Variants in TARS1 observed in about 807,000 individuals in gnomAD.
The protein encoded by TARS1 is threonyl-tRNA synthetase 1, also known as threonine--tRNA ligase 1, cytoplasmic.
TARS1 carries 57 observed loss-of-function variants against 97.7 expected under a neutral mutation model. The observed-to-expected ratio is 0.58, with a 90% CI of 0.47 to 0.73. The LOEUF is 0.73. TARS1 is among the 30% of genes least tolerant of loss of function. TARS1 has a pLI of 0.00. For missense variants in TARS1, 806 were observed against 888.3 expected (o/e 0.91, Z 1.18); for synonymous variants, 312 against 293.7 (o/e 1.06, Z -0.64).
At chr5:33,456,365 G>A in intron 8 of TARS1, 138 bp downstream of exon 8, 1 of 702,504 alleles carries the variant, frequency 1.4e-6, no homozygotes, top group Non-Finnish European at 2.3e-6. Context: ...TTAACTGGGA[G>A]CTGTATGCCA....
intron 17 of TARS1, 53 bp from the exon 18 acceptor site, chr5:33,466,818 A>G: frequency 7.5e-7 from 1 of 1,334,444 alleles, no homozygotes; most frequent in South Asian, 1.3e-5. Flanking sequence ...ATGTGAGATC[A>G]AAATATAATT....
chr5:33,464,118 C>T (rs1018604327), intron 17 of TARS1, among the ~76,000 whole-genome samples: 1 of 152,198 alleles, frequency 6.6e-6, no homozygotes, highest in Non-Finnish European at 1.5e-5. Context: ...GTAGTACAGT[C>T]ATGGCTCACT....
intron 1 of TARS1, 132 bp downstream of exon 1, chr5:33,441,275 G>A (rs1024368027): frequency 3.7e-6 from 4 of 1,074,756 alleles, no homozygotes; most frequent in African/African-American, 3.1e-5. Flanking sequence ...GTGGGGGATG[G>A]TGGGACTCCT....
intron 1 of TARS1, 72 bp downstream of exon 1, chr5:33,441,215 G>C: frequency 6.3e-7 from 1 of 1,589,036 alleles, no homozygotes; most frequent in South Asian, 1.1e-5. Flanking sequence ...CTCGCGGCGG[G>C]AGCGGGGGGC....
rs1742000539 is a variant in TARS1 at position 33,456,014 on chromosome 5, A to G, written c.706A>G (p.Lys236Glu). The change falls in exon 7 of 19, where the codon AAA (lysine) becomes GAA (glutamate). Residue 236 changes from lysine (K) to glutamate (E), a missense_variant. Physicochemically the swap from Lys to Glu is moderately conservative, Grantham distance 56. Coordinates refer to ENST00000265112, the MANE Select transcript of TARS1 (RefSeq NM_152295.5). The stretch of plus-strand genomic sequence containing the variant: ...TTCCTGTTTTCAGTACAACAAGTTC[A>G]AATGCCGGATATTGAATGAAAAGGT... ...LLAMFKYNKF[K>E]CRILNEKVNT... is the part of the protein sequence containing the mutation. 1 of 1,613,764 alleles carries G rather than the reference A, an allele frequency of 6.2e-7. No individual in the cohort carries two copies. The highest frequency in any genetic ancestry group is 1.1e-5 in the South Asian group (1 of 91,054).
rs573741218 is a variant in TARS1 at position 33,443,332 on chromosome 5, T to A, written c.58-1992T>A. 2.3e-3 allele frequency among the ~76,000 whole-genome samples: 281 copies of A among 120,328 alleles called. 2 individuals are homozygous for A. The highest frequency in any genetic ancestry group is 9.0e-3 in the African/African-American group (268 of 29,918). The allele number at this position is 120,328 out of a possible 152,430, so 78.9% of individuals were successfully genotyped here. A position where few individuals can be genotyped will look rare whatever the true frequency, so the allele number is the denominator to read the frequency against. On this transcript the variant is annotated intron_variant, in intron 1 of 18. Transcript: ENST00000265112. Reference sequence around the variant, plus strand: ...CTCTCTCTCTCTCCCTCTCTCTCTCTCTCTCTCTCTCTCTCTCTCTCTCTC... The same window carrying A: ...CTCTCTCTCTCTCCCTCTCTCTCTCACTCTCTCTCTCTCTCTCTCTCTCTC...
Position 33,455,090 on chromosome 5 carries a change from A to C in TARS1, c.575+24A>C, listed in dbSNP as rs543305904. 9 of 1,612,426 alleles carry C rather than the reference A, an allele frequency of 5.6e-6. No individual in the cohort carries two copies. The South Asian group carries it at 9.9e-5, about 18-fold the overall frequency. The stretch of plus-strand genomic sequence containing the variant: ...GGGTAAGCCATCAACTAGATAAAGA[A>C]AACTGAAGTCAATGACTATGGATCC... On this transcript the variant is annotated intron_variant, in intron 5 of 18. Coordinates refer to ENST00000265112, the MANE Select transcript of TARS1 (RefSeq NM_152295.5).
At chr5:33,450,510 A>G (rs569703076) in intron 3 of TARS1, among the ~76,000 whole-genome samples, 10 of 152,194 alleles carry the variant, frequency 6.6e-5, no homozygotes, top group Non-Finnish European at 1.3e-4. Context: ...TCTACCTACA[A>G]GTTCTTCTAC....
intron 6 of TARS1, 67 bp downstream of exon 6, chr5:33,455,771 C>A: frequency 2.6e-6 from 3 of 1,164,088 alleles, no homozygotes; most frequent in Non-Finnish European, 3.8e-6. Context: ...TGAAGTGACA[C>A]CACTGGCGTT....
intron 8 of TARS1, 50 bp from the exon 9 acceptor site, chr5:33,457,207 G>C: frequency 6.3e-7 from 1 of 1,594,624 alleles, no homozygotes; most frequent in East Asian, 2.2e-5. Flanking sequence ...TAAAATAAGT[G>C]AGATGTTTAC....
intron 17 of TARS1, 23 bp from the exon 18 acceptor site, chr5:33,466,848 A>C (rs756941132): frequency 5.1e-5 from 79 of 1,534,200 alleles, no homozygotes; most frequent in Non-Finnish European, 6.8e-5. Context: ...GATCTGACAA[A>C]TTCTGTATCT....
chr5:33,447,577 C>G (rs1741482108), intron 2 of TARS1, among the ~76,000 whole-genome samples: 1 of 152,148 alleles, frequency 6.6e-6, no homozygotes, highest in African/African-American at 2.4e-5. Flanking sequence ...TAGATATTCC[C>G]TTGTACTCCT....
At chr5:33,463,724 A>G in intron 16 of TARS1, 29 bp from the exon 17 acceptor site, 1 of 1,582,610 alleles carries the variant, frequency 6.3e-7, no homozygotes, top group Non-Finnish European at 8.7e-7. Context: ...GCCCACATCT[A>G]CACTGAATAT....
chr5:33,453,337 G>A lies in TARS1; in HGVS notation c.378G>A (p.Val126=). 6.3e-7 allele frequency: 1 copy of A among 1,589,938 alleles called. No homozygotes were observed. The highest frequency in any genetic ancestry group is 8.6e-7 in the Non-Finnish European group (1 of 1,169,154). The change falls in exon 4 of 19, where the codon GTG becomes GTA. Residue 126 remains valine, a synonymous_variant. Transcript: ENST00000265112. ...NTVIAKVNNV[V]WDLDRPLEED... ...TTATTGCTAAAGTAAATAATGTTGT[G>A]TGGGACCTGGACCGCCCTCTGGAAG...
At chr5:33,452,765 G>A (rs1249771078) in intron 3 of TARS1, among the ~76,000 whole-genome samples, 2 of 142,604 alleles carry the variant, frequency 1.4e-5, no homozygotes, top group East Asian at 3.9e-4. Flanking sequence ...AAGTTATTTA[G>A]TAGGCCTTTT....
intron 17 of TARS1, among the ~76,000 whole-genome samples, chr5:33,464,866 A>G: frequency 6.6e-6 from 1 of 152,066 alleles, no homozygotes; most frequent in South Asian, 2.1e-4. Context: ...TCACGAGGTC[A>G]GGAGATCAAG....
At chr5:33,462,063 T>C in intron 15 of TARS1, 36 bp from the exon 16 acceptor site, 1 of 1,601,156 alleles carries the variant, frequency 6.2e-7, no homozygotes, top group Non-Finnish European at 8.5e-7. Context: ...AGAAAATATA[T>C]ATAATAAGAC....
chr5:33,451,928 A>G (rs1741760184), intron 3 of TARS1, among the ~76,000 whole-genome samples: 1 of 152,160 alleles, frequency 6.6e-6, no homozygotes. Context: ...TGCCAAATTC[A>G]TGTTATGTTT....
intron 6 of TARS1, 22 bp from the exon 7 acceptor site, chr5:33,455,980 T>G (rs1741997775): frequency 1.9e-6 from 3 of 1,608,560 alleles, no homozygotes; most frequent in Non-Finnish European, 2.6e-6. Flanking sequence ...TTTTTTAAAA[T>G]AATAATTTTT....
Sources: allele counts gnomAD v4.1 joint callset (sites outside exome capture counted in the v4.1 genomes callset), GRCh38; gene constraint gnomAD v4.1.1; transcripts MANE v1.5; gene names NCBI Gene and HGNC (gene_info 2026-07-23, HGNC 2026-07-21).